Variants in FLI1 observed in about 807,000 individuals in gnomAD.
The protein encoded by FLI1 is Fli-1 proto-oncogene, ETS transcription factor.
In FLI1, 13 loss-of-function variants were observed where a neutral mutation model predicts 53.1. The ratio of observed to expected loss-of-function variants is 0.24; its 90% CI spans 0.16 to 0.39. The LOEUF (loss-of-function observed/expected upper bound fraction) is 0.39, where lower values mean the gene tolerates loss of function less well. Among genes scored for constraint, FLI1 ranks in the 10% least tolerant of loss-of-function variants. FLI1 has a pLI of 1.00. For missense variants in FLI1, 424 were observed against 600.5 expected, an observed-to-expected ratio of 0.71 and a Z score of 3.07; for synonymous variants, 244 against 236.7, an observed-to-expected ratio of 1.03 and a Z score of -0.28.
intron 1 of FLI1, among the ~76,000 whole-genome samples, chr11:128,703,692 A>G (rs1452264738): frequency 6.6e-6 from 1 of 151,850 alleles, no homozygotes; most frequent in African/African-American, 2.4e-5. Flanking sequence ...AAAATACAAA[A>G]ATTAGCTGGG....
At chr11:128,702,976 A>G (rs1249234749) in intron 1 of FLI1, among the ~76,000 whole-genome samples, 1 of 152,224 alleles carries the variant, frequency 6.6e-6, no homozygotes, top group Non-Finnish European at 1.5e-5. Flanking sequence ...TCATACAAAG[A>G]CTACTTACAA....
chr11:128,802,393 T>C (rs879762119), intron 5 of FLI1, among the ~76,000 whole-genome samples: 1 of 152,182 alleles, frequency 6.6e-6, no homozygotes, highest in Non-Finnish European at 1.5e-5. Context: ...AGATTTTCCA[T>C]GCAAATACTT....
chr11:128,807,258 T>C lies in FLI1; in HGVS notation c.781+19T>C. On this transcript the variant is annotated intron_variant, in intron 7 of 8. Transcript: ENST00000527786. The stretch of plus-strand genomic sequence containing the variant: ...CAGCCAGGTACCTGCCCAGGATATG[T>C]AATCTCTCCTTTGCTTCCTGCACAG... 3 of 1,580,678 alleles carry C rather than the reference T, an allele frequency of 1.9e-6. No homozygotes were observed. The highest frequency in any genetic ancestry group is 2.6e-6 in the Non-Finnish European group (3 of 1,159,264).
At chr11:128,765,843 TTGAA>T (rs1335929666) in intron 2 of FLI1, among the ~76,000 whole-genome samples, 4 of 151,970 alleles carry the variant, frequency 2.6e-5, no homozygotes, top group Admixed American at 2.0e-4. Flanking sequence ...TGTGCATGTG[TTGAA>T]TGTGTGTGCA....
chr11:128,704,615 G>A (rs1268883142), intron 1 of FLI1, among the ~76,000 whole-genome samples: 1 of 152,206 alleles, frequency 6.6e-6, no homozygotes, highest in Non-Finnish European at 1.5e-5. Flanking sequence ...GATGTCCAAG[G>A]AGAATTTTGA....
At chr11:128,724,471 A>G (rs116035239) in intron 1 of FLI1, among the ~76,000 whole-genome samples, 141 of 152,346 alleles carry the variant, frequency 9.3e-4, no homozygotes, top group African/African-American at 3.2e-3. Context: ...TGGGAAAATC[A>G]GTGCAGGTTT....
At chr11:128,809,302 G>A in intron 8 of FLI1, 98 bp downstream of exon 8, 2 of 976,822 alleles carry the variant, frequency 2.0e-6, no homozygotes, top group Non-Finnish European at 1.7e-6. Flanking sequence ...ACCTGAGTGG[G>A]GAGTAACATG....
At chr11:128,694,001 TC>T (rs1182635034), upstream of FLI1, 1 of 246,928 alleles carries the variant, frequency 4.0e-6, no homozygotes, top group African/African-American at 2.8e-5. Flanking sequence ...AGATAGGACT[TC>T]CTCCCCGATT....
At chr11:128,783,334 T>TGATAAA (rs1941982877) in intron 5 of FLI1, among the ~76,000 whole-genome samples, 1 of 152,234 alleles carries the variant, frequency 6.6e-6, no homozygotes. Flanking sequence ...GCACTTTGTG[T>TGATAAA]TTCCTGTTAA....
Position 128,796,902 on chromosome 11 carries a change from G to A in FLI1, c.656-8464G>A, listed in dbSNP as rs1162391785. 2.6e-5 allele frequency among the ~76,000 whole-genome samples: 4 copies of A among 152,344 alleles called. No individual in the cohort carries two copies. The South Asian group carries it at 6.2e-4, about 24-fold the overall frequency. The stretch of plus-strand genomic sequence containing the variant: ...AGGCAGAAGAATTGCTTGAATCCGG[G>A]AGACGGAAGTTGCAGTGAGCCGAGA... On this transcript the variant is annotated intron_variant, in intron 5 of 8. Transcript: ENST00000527786.
In FLI1 at chr11:128,701,838, C is replaced by T. The variant is rs888623362; in HGVS notation, c.18+7562C>T. Among the ~76,000 whole-genome samples the T allele has an allele frequency of 2.6e-5, 4 of 152,178 alleles. No individual in the cohort carries two copies. The East Asian group carries it at 5.8e-4, about 22-fold the overall frequency. ...GCTGGAATTACAGGTGCCATGGGAG[C>T]TTTAACCTCGAATTTCTAGACATTG... On this transcript the variant is annotated intron_variant, in intron 1 of 8. Coordinates refer to ENST00000527786, the MANE Select transcript of FLI1 (RefSeq NM_002017.5).
At position 128,812,841 on chromosome 11, in the gene FLI1, G is replaced by GT. The variant is rs1243938888; in HGVS notation, c.*1853_*1854insT. The stretch of plus-strand genomic sequence containing the variant: ...AGACCAGGACTTTATGGCTCATGCA[G>GT]ATTTTTAAGGTCATTTTTCTTCCCA... On this transcript the variant is annotated 3_prime_UTR_variant, in exon 9 of 9. Transcript: ENST00000527786. 4.3e-5 allele frequency: 5 copies of GT among 116,370 alleles called. No homozygotes were observed. The highest frequency in any genetic ancestry group is 8.9e-5 in the African/African-American group (3 of 33,716). 7.2% of individuals were successfully genotyped at this position (116,370 alleles called of 1,614,324 possible).
chr11:128,719,567 A>G (rs1421188306), intron 1 of FLI1, among the ~76,000 whole-genome samples: 2 of 152,178 alleles, frequency 1.3e-5, no homozygotes, highest in Admixed American at 1.3e-4. Flanking sequence ...CTAAGCTCTA[A>G]GGACTGGCAC....
At chr11:128,702,786 T>C (rs1361644382) in intron 1 of FLI1, among the ~76,000 whole-genome samples, 1 of 150,316 alleles carries the variant, frequency 6.7e-6, no homozygotes, top group Admixed American at 6.7e-5. Flanking sequence ...TGCTTGAACA[T>C]AGGAGGTGGA....
At chr11:128,686,736 C>T (rs1565447202) in intron 1 of FLI1, 1 of 320,914 alleles carries the variant, frequency 3.1e-6, no homozygotes. Context: ...CAGGTGATGA[C>T]CCCCAGCTTC....
chr11:128,796,035 G>A (rs1442401973), intron 5 of FLI1, among the ~76,000 whole-genome samples: 1 of 152,126 alleles, frequency 6.6e-6, no homozygotes, highest in Non-Finnish European at 1.5e-5. Flanking sequence ...TAAGTCATTT[G>A]CCTCAGACCA....
At chr11:128,687,402 G>C (rs1316651281) in intron 1 of FLI1, among the ~76,000 whole-genome samples, 1 of 152,176 alleles carries the variant, frequency 6.6e-6, no homozygotes, top group Non-Finnish European at 1.5e-5. Flanking sequence ...CCTGCTCATG[G>C]GAGGGGCGGT....
rs28375010 is a variant in FLI1 at position 128,712,615 on chromosome 11, C to T, written c.18+18339C>T. ...AAGGAGGAGAAAGTCACACCTTACACGGATGGCAGCAGGCAAAAAGAGAGC... is the reference window on the plus strand; with the variant it reads ...AAGGAGGAGAAAGTCACACCTTACATGGATGGCAGCAGGCAAAAAGAGAGC... On this transcript the variant is annotated intron_variant, in intron 1 of 8. Transcript: ENST00000527786. Among the ~76,000 whole-genome samples the T allele has an allele frequency of 6.4e-4, 98 of 152,272 alleles. 1 individual carries two copies. Among genetic ancestry groups the T allele is most frequent in the African/African-American group, 2.2e-3 (92 of 41,530 alleles).
At chr11:128,749,388 G>A (rs1177198243) in intron 1 of FLI1, among the ~76,000 whole-genome samples, 1 of 152,204 alleles carries the variant, frequency 6.6e-6, no homozygotes. Context: ...GGTTGACGCT[G>A]TGGTTGGCTG....
Sources: gnomAD v4.1 joint callset for allele counts (sites outside exome capture counted in the v4.1 genomes callset) on GRCh38, gnomAD v4.1.1 for gene constraint, MANE v1.5 for transcripts, NCBI Gene and HGNC (gene_info 2026-07-23, HGNC 2026-07-21) for gene names.